OSBPL11: variants seen among roughly 807,000 people sequenced by gnomAD.
The protein encoded by OSBPL11 is oxysterol-binding protein-related protein 11.
OSBPL11 carries 33 observed loss-of-function variants against 84.4 expected under a neutral mutation model. The observed-to-expected ratio is 0.39, with a 90% CI of 0.30 to 0.52. The LOEUF (loss-of-function observed/expected upper bound fraction) is 0.52. Ranked by LOEUF, OSBPL11 falls within the 20% of genes least tolerant of loss-of-function variation. The pLI, the probability that OSBPL11 is intolerant of heterozygous loss-of-function variation, is 0.72. For synonymous variants in OSBPL11, 276 were observed against 310.2 expected, an observed-to-expected ratio of 0.89 and a Z score of 1.16; for missense variants, 736 against 901.1, an observed-to-expected ratio of 0.82 and a Z score of 2.35.
At chr3:125,546,804 C>T (rs778659825) in intron 10 of OSBPL11, among the ~76,000 whole-genome samples, 3 of 152,058 alleles carry the variant, frequency 2.0e-5, no homozygotes, top group Non-Finnish European at 2.9e-5. Context: ...GCACAAAAAT[C>T]GCTTGAACCC....
intron 9 of OSBPL11, among the ~76,000 whole-genome samples, chr3:125,548,772 A>G (rs144669381): frequency 1.6e-4 from 25 of 152,160 alleles, no homozygotes; most frequent in African/African-American, 5.8e-4. Flanking sequence ...ATGTTCACAA[A>G]TAAGGGCAAG....
chr3:125,538,417 G>C (rs745833844), intron 11 of OSBPL11, 34 bp downstream of exon 11: 13 of 1,589,846 alleles, frequency 8.2e-6, no homozygotes, highest in East Asian at 2.2e-5. Flanking sequence ...CAGAGCATCT[G>C]ACTCTTTCCT....
chr3:125,542,020 T>C (rs928219220), intron 10 of OSBPL11, among the ~76,000 whole-genome samples: 2 of 152,264 alleles, frequency 1.3e-5, no homozygotes, highest in Non-Finnish European at 2.9e-5. Flanking sequence ...ATTACCATTA[T>C]TTTGTAGCTA....
At chr3:125,576,413 G>A (rs757388687) in intron 4 of OSBPL11, 48 bp from the exon 5 acceptor site, 1 of 1,451,960 alleles carries the variant, frequency 6.9e-7, no homozygotes, top group Non-Finnish European at 9.2e-7. Flanking sequence ...TTTAATTTAG[G>A]ATTTCTAACC....
Position 125,594,337 on chromosome 3 carries a change from T to C in OSBPL11, c.164+300A>G, listed in dbSNP as rs527636960. Among the ~76,000 whole-genome samples the C allele has an allele frequency of 6.6e-5, 10 of 152,246 alleles. No homozygotes were observed. In the East Asian group the frequency reaches 1.9e-3, roughly 29 times the overall value. On this transcript the variant is annotated intron_variant, in intron 1 of 12. Coordinates refer to ENST00000296220, the MANE Select transcript of OSBPL11 (RefSeq NM_022776.5). The stretch of plus-strand genomic sequence containing the variant: ...GCTGGCTTGTAAATAAATTGCAACA[T>C]AGGCAAAAGCAGAAGTGAGTACAGA...
rs1355856929 is a variant in OSBPL11 at position 125,581,266 on chromosome 3, A to G, written c.234-1226T>C. On this transcript the variant is annotated intron_variant, in intron 2 of 12. Transcript: ENST00000296220. Reference sequence around the variant, plus strand: ...ACCACCATGCCCAGCTAATTTTTGTATTTTTCGTAGAGATGGAGTTTTGCC... The same window carrying G: ...ACCACCATGCCCAGCTAATTTTTGTGTTTTTCGTAGAGATGGAGTTTTGCC... Among the ~76,000 whole-genome samples the G allele has an allele frequency of 3.3e-5, 5 of 151,750 alleles. No individual in the cohort carries two copies. In the East Asian group the frequency reaches 9.8e-4, roughly 30 times the overall value.
In OSBPL11 at chr3:125,579,035, T is replaced by A. The variant is rs764511918; in HGVS notation, c.414A>T (p.Thr138=). The stretch of plus-strand genomic sequence containing the variant: ...CCCAGTGCTGTCGCTCTTTTGCATC[T>A]GTAGCTGTTAAAAGAATGTAAAAAT... ...ASGEQYKLRA[T]DAKERQHWVS... is the part of the protein sequence containing the mutation. Residue 138 remains threonine, a synonymous_variant, in exon 4 of 13, where the codon ACA becomes ACT. Coordinates refer to ENST00000296220, the MANE Select transcript of OSBPL11 (RefSeq NM_022776.5). The A allele has an allele frequency of 1.1e-5, 18 of 1,585,694 alleles. 1 individual carries two copies. The Middle Eastern group carries it at 5.9e-4, about 52-fold the overall frequency.
intron 10 of OSBPL11, among the ~76,000 whole-genome samples, chr3:125,545,555 T>C (rs143916571): frequency 3.8e-4 from 58 of 152,318 alleles, no homozygotes; most frequent in African/African-American, 1.3e-3. Flanking sequence ...TAGGCAAAGA[T>C]AGTCTTTATT....
chr3:125,530,587 C>T lies in OSBPL11; in HGVS notation c.2179-7G>A. On this transcript the variant is annotated splice_region_variant and splice_polypyrimidine_tract_variant and intron_variant, in intron 12 of 12. Transcript: ENST00000296220. ...GATAAACCCAGCCATCTCCCTGAAA[C>T]AAATAAAAAGATAAAGAATCATCCC... 2.5e-6 allele frequency: 4 copies of T among 1,609,902 alleles called. No individual in the cohort carries two copies. The highest frequency in any genetic ancestry group is 3.4e-6 in the Non-Finnish European group (4 of 1,176,298).
At position 125,529,916 on chromosome 3, in the gene OSBPL11, G is replaced by A. The variant is rs746905848; in HGVS notation, c.*599C>T. 6.5e-6 allele frequency: 1 copy of A among 152,754 alleles called. No homozygotes were observed. Among genetic ancestry groups the A allele is most frequent in the Non-Finnish European group, 1.5e-5 (1 of 68,200 alleles). The allele number at this position is 152,754 out of a possible 1,614,324, so 9.5% of individuals were successfully genotyped here. ...TTAAAAGAGAGTTCCAACAGAGGTGGATAATAGGTAAGTTCCTCAGACACA... is the reference window on the plus strand; with the variant it reads ...TTAAAAGAGAGTTCCAACAGAGGTGAATAATAGGTAAGTTCCTCAGACACA... On this transcript the variant is annotated 3_prime_UTR_variant, in exon 13 of 13. Transcript: ENST00000296220.
chr3:125,582,810 C>A, intron 2 of OSBPL11, 100 bp downstream of exon 2: 2 of 896,510 alleles, frequency 2.2e-6, no homozygotes, highest in East Asian at 5.7e-5. Context: ...AAAAGGTTTC[C>A]CAGCCATGTC....
At chr3:125,555,860 C>A (rs574513680) in intron 8 of OSBPL11, among the ~76,000 whole-genome samples, 1 of 152,062 alleles carries the variant, frequency 6.6e-6, no homozygotes, top group African/African-American at 2.4e-5. Context: ...AATTTTTGTA[C>A]TTTTAGTAGA....
intron 1 of OSBPL11, among the ~76,000 whole-genome samples, chr3:125,594,396 T>TA (rs1359904444): frequency 6.6e-6 from 1 of 152,210 alleles, no homozygotes; most frequent in African/African-American, 2.4e-5. Context: ...TCTCTGACTG[T>TA]AGAGGAAGTT....
chr3:125,593,015 A>G (rs1197431802), intron 1 of OSBPL11, among the ~76,000 whole-genome samples: 3 of 152,220 alleles, frequency 2.0e-5, no homozygotes, highest in African/African-American at 2.4e-5. Context: ...ACTTCATGAA[A>G]ATTAAAAACC....
At chr3:125,558,688 T>C (rs1220570351) in intron 8 of OSBPL11, among the ~76,000 whole-genome samples, 1 of 152,254 alleles carries the variant, frequency 6.6e-6, no homozygotes, top group Non-Finnish European at 1.5e-5. Context: ...ATATAGGTTT[T>C]GAACTTGATT....
At chr3:125,577,702 G>A (rs1936347406) in intron 4 of OSBPL11, among the ~76,000 whole-genome samples, 1 of 152,098 alleles carries the variant, frequency 6.6e-6, no homozygotes, top group Non-Finnish European at 1.5e-5. Flanking sequence ...GGTGGCAGGT[G>A]CCTGTAGTCC....
At chr3:125,555,061 C>G (rs962168686) in intron 8 of OSBPL11, among the ~76,000 whole-genome samples, 1 of 152,126 alleles carries the variant, frequency 6.6e-6, no homozygotes. Flanking sequence ...AGAGGCAGAC[C>G]TACCCTCAAT....
At chr3:125,566,734 T>C (rs1312872064) in intron 6 of OSBPL11, among the ~76,000 whole-genome samples, 1 of 152,058 alleles carries the variant, frequency 6.6e-6, no homozygotes, top group Non-Finnish European at 1.5e-5. Context: ...GCACAATTAA[T>C]TTCAACAAAT....
chr3:125,593,932 T>C (rs896753945), intron 1 of OSBPL11, among the ~76,000 whole-genome samples: 4 of 152,222 alleles, frequency 2.6e-5, no homozygotes, highest in African/African-American at 2.4e-5. Context: ...CTACACTTCA[T>C]ATATGAAAAA....
Sources: gnomAD v4.1 joint callset for allele counts (sites outside exome capture counted in the v4.1 genomes callset) on GRCh38, gnomAD v4.1.1 for gene constraint, MANE v1.5 for transcripts, NCBI Gene and HGNC (gene_info 2026-07-23, HGNC 2026-07-21) for gene names.